The following DZIP3 variants were observed in gnomAD, a reference collection of about 807,000 sequenced individuals.
The protein encoded by DZIP3 is E3 ubiquitin-protein ligase DZIP3.
In DZIP3, 118 loss-of-function variants were observed where a neutral mutation model predicts 162.0. The ratio of observed to expected loss-of-function variants is 0.73; its 90% CI spans 0.63 to 0.85. The LOEUF is 0.85. Among genes scored for constraint, DZIP3 ranks in the 40% least tolerant of loss-of-function variants. The pLI is 0.00. For synonymous variants in DZIP3, 438 were observed against 458.6 expected (o/e 0.96, Z 0.57); for missense variants, 1,331 against 1,407.0 (o/e 0.95, Z 0.86).
intron 1 of DZIP3, among the ~76,000 whole-genome samples, chr3:108,601,492 A>G (rs527626806): frequency 1.3e-5 from 2 of 152,210 alleles, no homozygotes; most frequent in Non-Finnish European, 2.9e-5. Flanking sequence ...CTTTGTTTTA[A>G]GTTAGTAGCG....
intron 12 of DZIP3, among the ~76,000 whole-genome samples, chr3:108,642,031 G>A (rs918823198): frequency 6.6e-6 from 1 of 152,026 alleles, no homozygotes; most frequent in Non-Finnish European, 1.5e-5. Context: ...AATGAGTTGG[G>A]GTTTCTTGGA....
chr3:108,620,457 G>A (rs1941272574), intron 5 of DZIP3, among the ~76,000 whole-genome samples: 1 of 152,216 alleles, frequency 6.6e-6, no homozygotes, highest in Non-Finnish European at 1.5e-5. Context: ...GACTTAATAA[G>A]GATAACAGCC....
intron 5 of DZIP3, among the ~76,000 whole-genome samples, chr3:108,620,372 G>T (rs778192720): frequency 1.3e-5 from 2 of 152,122 alleles, no homozygotes; most frequent in African/African-American, 4.8e-5. Context: ...ACATAGCAAG[G>T]CACCTTTATC....
At chr3:108,689,573 G>C (rs945156170) in intron 31 of DZIP3, among the ~76,000 whole-genome samples, 6 of 152,138 alleles carry the variant, frequency 3.9e-5, no homozygotes, top group Non-Finnish European at 7.4e-5. Context: ...TGTAGTCCCA[G>C]CTACTCAGGA....
intron 4 of DZIP3, among the ~76,000 whole-genome samples, chr3:108,616,145 T>C (rs1007275819): frequency 1.3e-5 from 2 of 152,036 alleles, no homozygotes; most frequent in Admixed American, 1.3e-4. Flanking sequence ...GTGTCTGTAG[T>C]CCCAGATACT....
chr3:108,634,885 A>T lies in DZIP3; in HGVS notation c.831A>T (p.Leu277Phe). The change falls in exon 10 of 33, where the codon TTA becomes TTT. Residue 277 changes from leucine (L) to phenylalanine (F), a missense_variant. This residue lies in a region of DZIP3 where 1,278 missense variants were observed against 1,317.1 expected (regional missense o/e 0.97). Transcript: ENST00000361582. ...TTTTTTTCCAGGGATTTTTTCAGTT[A>T]ATGTGCAGTAAAAGTTGCTGTGTTT... Reference protein sequence around the residue: ...KNTSYKGFFQLMCSKSCCVYF... With the variant: ...KNTSYKGFFQFMCSKSCCVYF... The T allele has an allele frequency of 6.2e-7, 1 of 1,605,584 alleles. No homozygotes were observed. Among genetic ancestry groups the T allele is most frequent in the Non-Finnish European group, 8.5e-7 (1 of 1,175,518 alleles).
chr3:108,631,558 T>A (rs963028884), intron 8 of DZIP3, among the ~76,000 whole-genome samples: 7 of 144,222 alleles, frequency 4.9e-5, no homozygotes, highest in Non-Finnish European at 1.1e-4. Context: ...TTAAAAAAAA[T>A]TATTATTATT....
chr3:108,616,902 G>T (rs1048138855), intron 5 of DZIP3, among the ~76,000 whole-genome samples: 2 of 152,024 alleles, frequency 1.3e-5, no homozygotes, highest in African/African-American at 4.8e-5. Flanking sequence ...GCCTATTCTA[G>T]TCTCCTTCCC....
At chr3:108,634,845 G>T in intron 9 of DZIP3, 26 bp from the exon 10 acceptor site, 9 of 1,489,172 alleles carry the variant, frequency 6.0e-6, no homozygotes, top group Non-Finnish European at 8.4e-6. Context: ...TGTCCTTATT[G>T]ATAACTTACT....
At position 108,601,637 on chromosome 3, in the gene DZIP3, A is replaced by G. The variant is rs1466290222; in HGVS notation, c.-72-3698A>G. 2.6e-5 allele frequency among the ~76,000 whole-genome samples: 4 copies of G among 152,152 alleles called. 1 individual carries two copies. In the East Asian group the frequency reaches 7.7e-4, roughly 29 times the overall value. On this transcript the variant is annotated intron_variant, in intron 1 of 32. Coordinates refer to ENST00000361582, the MANE Select transcript of DZIP3 (RefSeq NM_014648.4). ...ACGGGACATCCACCCACACTTTGAAATGTAAACTTGTTGGCATATTAGAGT... is the reference window on the plus strand; with the variant it reads ...ACGGGACATCCACCCACACTTTGAAGTGTAAACTTGTTGGCATATTAGAGT...
chr3:108,590,978 C>T (rs1939373614), intron 1 of DZIP3, among the ~76,000 whole-genome samples: 2 of 152,030 alleles, frequency 1.3e-5, no homozygotes, highest in South Asian at 2.1e-4. Flanking sequence ...AAATAATAAA[C>T]ACAATAAATA....
intron 1 of DZIP3, 67 bp from the exon 2 acceptor site, chr3:108,605,268 C>G (rs951257059): frequency 8.7e-7 from 1 of 1,147,936 alleles, no homozygotes; most frequent in Non-Finnish European, 1.3e-6. Flanking sequence ...TGATCACGTT[C>G]TGTTTTCATA....
chr3:108,673,154 TA>T (rs1943985929), intron 23 of DZIP3, among the ~76,000 whole-genome samples: 2 of 151,990 alleles, frequency 1.3e-5, no homozygotes, highest in African/African-American at 4.8e-5. Flanking sequence ...TGTGTGTATG[TA>T]ATTTTTATTT....
chr3:108,638,969 C>T (rs373901878), intron 12 of DZIP3, among the ~76,000 whole-genome samples: 1 of 152,206 alleles, frequency 6.6e-6, no homozygotes. Context: ...ACCAACTATA[C>T]GGAGCTTCTT....
chr3:108,689,864 G>A (rs541663047), intron 31 of DZIP3, among the ~76,000 whole-genome samples: 1 of 152,176 alleles, frequency 6.6e-6, no homozygotes, highest in Admixed American at 6.5e-5. Context: ...GTAAAGAAAG[G>A]CTTTTCAGGG....
chr3:108,603,574 A>G (rs1338704883), intron 1 of DZIP3, among the ~76,000 whole-genome samples: 1 of 152,222 alleles, frequency 6.6e-6, no homozygotes, highest in Non-Finnish European at 1.5e-5. Flanking sequence ...GCAAGATGTA[A>G]TACAGCAATG....
rs1944792241 is a variant in DZIP3 at position 108,694,019 on chromosome 3, A to G, written c.*666A>G. On this transcript the variant is annotated 3_prime_UTR_variant, in exon 33 of 33. Transcript: ENST00000361582. ...TACATGTCTCTGGTTTCAGAATTAA[A>G]AGAATTCAGAGTTACCTTGTGAGAT... is the stretch of plus-strand genomic sequence containing the variant. 1.3e-5 allele frequency: 2 copies of G among 152,182 alleles called. No homozygotes were observed. Among genetic ancestry groups the G allele is most frequent in the African/African-American group, 2.4e-5 (1 of 41,462 alleles). 9.4% of individuals were successfully genotyped at this position (152,182 alleles called of 1,614,324 possible). A position where few individuals can be genotyped will look rare whatever the true frequency, so the allele number is the denominator to read the frequency against.
chr3:108,642,620 A>G, intron 13 of DZIP3, 106 bp downstream of exon 13: 1 of 1,233,068 alleles, frequency 8.1e-7, no homozygotes, highest in Non-Finnish European at 1.1e-6. Flanking sequence ...TGTGTTTGTC[A>G]TTCACTGAGC....
chr3:108,608,216 C>A, intron 3 of DZIP3, 58 bp downstream of exon 3: 1 of 1,335,824 alleles, frequency 7.5e-7, no homozygotes, highest in Non-Finnish European at 1.1e-6. Context: ...ATTATATATG[C>A]AAATGCAGTA....
Sources: allele counts gnomAD v4.1 joint callset (sites outside exome capture counted in the v4.1 genomes callset), GRCh38; gene constraint gnomAD v4.1.1; regional missense constraint gnomAD v4.1.1; transcripts MANE v1.5; gene names NCBI Gene and HGNC (gene_info 2026-07-23, HGNC 2026-07-21).